Variants in ATP13A4 observed in about 807,000 individuals in gnomAD.
The protein encoded by ATP13A4 is probable cation-transporting ATPase 13A4.
Under a neutral mutation model 142.5 loss-of-function variants are expected in ATP13A4, and 114 were observed. That is an observed-to-expected ratio of 0.80 (90% CI 0.69 to 0.93). The LOEUF (loss-of-function observed/expected upper bound fraction) is 0.93, where lower values mean the gene tolerates loss of function less well. Among genes scored for constraint, ATP13A4 ranks in the 40% least tolerant of loss-of-function variants. The pLI, the probability that ATP13A4 is intolerant of heterozygous loss-of-function variation, is 0.00. For missense variants in ATP13A4, 1,392 were observed against 1,454.0 expected, an observed-to-expected ratio of 0.96 and a Z score of 0.69; for synonymous variants, 488 against 514.8, an observed-to-expected ratio of 0.95 and a Z score of 0.70.
rs374280066 is a variant in ATP13A4 at position 193,501,317 on chromosome 3, G to A, written c.381+1176C>T. 7.9e-5 allele frequency among the ~76,000 whole-genome samples: 12 copies of A among 152,306 alleles called. No homozygotes were observed. The East Asian group carries it at 1.2e-3, about 15-fold the overall frequency. Reference sequence around the variant, plus strand: ...AAGACAGCTGAGTGGGTGGGGTGCAGTGGCACACCCCTATAATCCCAGCAC... The same window carrying A: ...AAGACAGCTGAGTGGGTGGGGTGCAATGGCACACCCCTATAATCCCAGCAC... On this transcript the variant is annotated intron_variant, in intron 3 of 29. Transcript: ENST00000342695.
At chr3:193,493,932 T>A (rs1720086412) in intron 3 of ATP13A4, among the ~76,000 whole-genome samples, 1 of 150,958 alleles carries the variant, frequency 6.6e-6, no homozygotes. Flanking sequence ...AGACTGAAAA[T>A]GAAAGAATGG....
chr3:193,554,666 G>GCA lies in ATP13A4; in HGVS notation c.60+73_60+74insTG, dbSNP rs1192940096. ...GTGTGATGCGTGCGTGTGTGTGTGT[G>GCA]TGTGTGTGTGTGTGTGTGTGTCTCG... On this transcript the variant is annotated intron_variant, in intron 1 of 29. Coordinates refer to ENST00000342695, the MANE Select transcript of ATP13A4 (RefSeq NM_032279.4). 4.6e-4 allele frequency: 543 copies of GCA among 1,175,484 alleles called. 3 individuals carry two copies. In the African/African-American group the frequency reaches 7.6e-3, roughly 17 times the overall value. The allele number at this position is 1,175,484 out of a possible 1,614,324, so 72.8% of individuals were successfully genotyped here. A position where few individuals can be genotyped will look rare whatever the true frequency, so the allele number is the denominator to read the frequency against.
At chr3:193,498,340 CA>C (rs148301046) in intron 3 of ATP13A4, among the ~76,000 whole-genome samples, 12,935 of 144,908 alleles carry the variant, frequency 0.089, 708 homozygotes, top group East Asian at 0.24. Flanking sequence ...GAGGTTATTA[CA>C]AAAAAAAAAG....
intron 18 of ATP13A4, among the ~76,000 whole-genome samples, chr3:193,442,887 G>A (rs1436433820): frequency 6.6e-6 from 1 of 152,162 alleles, no homozygotes; most frequent in Non-Finnish European, 1.5e-5. Context: ...GTATCTGGTG[G>A]TTCCACTTCC....
At chr3:193,527,844 G>A (rs558727244) in intron 1 of ATP13A4, among the ~76,000 whole-genome samples, 2 of 152,236 alleles carry the variant, frequency 1.3e-5, no homozygotes, top group African/African-American at 4.8e-5. Context: ...GGGCCTGTTT[G>A]TCCATCTGTA....
At chr3:193,464,318 C>T (rs999483710) in intron 12 of ATP13A4, among the ~76,000 whole-genome samples, 2 of 152,194 alleles carry the variant, frequency 1.3e-5, no homozygotes, top group African/African-American at 4.8e-5. Flanking sequence ...AAGGCATTTC[C>T]ATCTTATTCT....
intron 16 of ATP13A4, among the ~76,000 whole-genome samples, chr3:193,455,063 G>C (rs1428817789): frequency 6.6e-6 from 1 of 152,074 alleles, no homozygotes; most frequent in Non-Finnish European, 1.5e-5. Flanking sequence ...AAAGGGCCGG[G>C]TGTGGTGGCT....
intron 25 of ATP13A4, among the ~76,000 whole-genome samples, chr3:193,433,366 T>C (rs1043078430): frequency 1.3e-5 from 2 of 152,102 alleles, no homozygotes; most frequent in Non-Finnish European, 2.9e-5. Flanking sequence ...TGCAGGAACA[T>C]TAGGGAGACA....
chr3:193,541,927 G>A (rs1390518884), intron 1 of ATP13A4, among the ~76,000 whole-genome samples: 1 of 152,152 alleles, frequency 6.6e-6, no homozygotes, highest in Non-Finnish European at 1.5e-5. Context: ...TTATCAGAGG[G>A]CTCCTTGTGA....
rs770660862 is a variant in ATP13A4, at chr3:193,457,148, T to C, written c.1767A>G (p.Pro589=). The change falls in exon 16 of 30, where the codon CCA becomes CCG. Residue 589 remains proline, a synonymous_variant. Coordinates refer to ENST00000342695, the MANE Select transcript of ATP13A4 (RefSeq NM_032279.4). ...VKPCRTASQV[P]VEGIAILHQF... ...GATGCAGGATTGCAATTCCTTCCAC[T>C]GGGACCTGGTTGAGGGATGGGGAAA... 2 of 1,612,998 alleles carry C rather than the reference T, an allele frequency of 1.2e-6. No individual in the cohort carries two copies. The highest frequency in any genetic ancestry group is 1.1e-5 in the South Asian group (1 of 91,024).
rs566884172 is a variant in ATP13A4 at position 193,453,892 on chromosome 3, C to G, written c.2027+209G>C. Among the ~76,000 whole-genome samples, 3 of 152,300 alleles carry G rather than the reference C, an allele frequency of 2.0e-5. No individual in the cohort carries two copies. In the South Asian group the frequency reaches 6.2e-4, roughly 32 times the overall value. On this transcript the variant is annotated intron_variant, in intron 17 of 29. Coordinates refer to ENST00000342695, the MANE Select transcript of ATP13A4 (RefSeq NM_032279.4). ...TAAAATCCCCCAGTGAGTGTTCACACTATCTTTGGGATTTAGGCAGGGCAG... is the reference window on the plus strand; with the variant it reads ...TAAAATCCCCCAGTGAGTGTTCACAGTATCTTTGGGATTTAGGCAGGGCAG...
chr3:193,448,207 T>C lies in ATP13A4; in HGVS notation c.2151A>G (p.Thr717=). 1 of 1,614,098 alleles carries C rather than the reference T, an allele frequency of 6.2e-7. No individual in the cohort carries two copies. The highest frequency in any genetic ancestry group is 8.5e-7 in the Non-Finnish European group (1 of 1,179,986). ...TTCACTGTATACTTTGTTTCATACC[T>C]GTGATCATTACAGTCCTTATCCGGG... ...ISARIRTVMI[T]GDNLQTAITV... Residue 717 remains threonine (T), a splice_region_variant and synonymous_variant, in exon 18 of 30, where the codon ACA becomes ACG. Transcript: ENST00000342695.
chr3:193,579,492 AAT>A (rs34635543), intron 2 of ATP13A4: 14 of 149,874 alleles, frequency 9.3e-5, no homozygotes, highest in East Asian at 1.9e-4. Flanking sequence ...TATGTATTGT[AAT>A]ATATATATAT....
intron 25 of ATP13A4, among the ~76,000 whole-genome samples, chr3:193,422,204 C>T (rs879687589): frequency 2.0e-5 from 3 of 149,680 alleles, no homozygotes; most frequent in African/African-American, 7.3e-5. Flanking sequence ...GACAATGCAT[C>T]CAACATTGAA....
intron 7 of ATP13A4, among the ~76,000 whole-genome samples, chr3:193,484,855 TA>T (rs1313359949): frequency 1.3e-5 from 2 of 152,128 alleles, no homozygotes; most frequent in African/African-American, 2.4e-5. Context: ...ACTACATATA[TA>T]AATGTATAAT....
intron 17 of ATP13A4, among the ~76,000 whole-genome samples, chr3:193,453,614 T>G (rs1210722432): frequency 6.6e-6 from 1 of 152,230 alleles, no homozygotes; most frequent in African/African-American, 2.4e-5. Flanking sequence ...CTTGTTTTTT[T>G]TGTAGATGTC....
At chr3:193,444,501 A>C (rs1361122060) in intron 18 of ATP13A4, among the ~76,000 whole-genome samples, 3 of 152,366 alleles carry the variant, frequency 2.0e-5, no homozygotes, top group East Asian at 3.9e-4. Context: ...TAACTTAAGG[A>C]ATGAAAACAC....
Position 193,411,005 on chromosome 3 carries a change from G to C in ATP13A4, c.3274C>G (p.Pro1092Ala), listed in dbSNP as rs1714738833. 10 of 1,607,826 alleles carry C rather than the reference G, an allele frequency of 6.2e-6. No homozygotes were observed. The highest frequency in any genetic ancestry group is 8.5e-6 in the Non-Finnish European group (10 of 1,174,634). Residue 1092 changes from proline (P) to alanine (A), a missense_variant, in exon 28 of 30, where the codon CCA becomes GCA. Transcript: ENST00000342695. ...VCLFILFADIPELYRRLDLLC... is the reference protein window; with the variant it reads ...VCLFILFADIAELYRRLDLLC... ...ACATCCAAACGTCTATATAATTCTG[G>C]TATATCAGCAAATAGAATGAATAGA...
At chr3:193,526,828 G>A (rs527826822) in intron 1 of ATP13A4, among the ~76,000 whole-genome samples, 9 of 152,082 alleles carry the variant, frequency 5.9e-5, no homozygotes, top group Non-Finnish European at 1.0e-4. Flanking sequence ...AGGGCTCCAG[G>A]GGAACCTCTG....
Sources: allele counts gnomAD v4.1 joint callset (sites outside exome capture counted in the v4.1 genomes callset), GRCh38; gene constraint gnomAD v4.1.1; transcripts MANE v1.5; gene names NCBI Gene and HGNC (gene_info 2026-07-23, HGNC 2026-07-21).